TCF20: variants seen among roughly 807,000 people sequenced by gnomAD.
The protein encoded by TCF20 is transcription factor 20.
In TCF20, 3 loss-of-function variants were observed where a neutral mutation model predicts 148.6. The observed-to-expected ratio is 0.02, with a 90% CI of 0.01 to 0.05. The LOEUF (loss-of-function observed/expected upper bound fraction) is 0.05, where lower values mean the gene tolerates loss of function less well. Ranked by LOEUF, TCF20 falls within the 10% of genes least tolerant of loss-of-function variation. The pLI is 1.00. For missense variants in TCF20, 2,350 were observed against 2,429.3 expected (o/e 0.97, Z 0.69); for synonymous variants, 1,049 against 909.5 (o/e 1.15, Z -2.76).
chr22:42,287,237 A>G (rs1430599291), upstream of TCF20, among the ~76,000 whole-genome samples: 1 of 152,338 alleles, frequency 6.6e-6, no homozygotes, highest in Non-Finnish European at 1.5e-5. Context: ...TAGAGGGCTC[A>G]GGGAGCACCA....
At chr22:42,186,093 C>CA (rs1937033069) in intron 2 of TCF20, among the ~76,000 whole-genome samples, 1 of 152,234 alleles carries the variant, frequency 6.6e-6, no homozygotes, top group African/African-American at 2.4e-5. Context: ...ATTATGATGT[C>CA]AGTATGAAAC....
intron 2 of TCF20, among the ~76,000 whole-genome samples, chr22:42,185,574 G>A (rs377429962): frequency 1.1e-3 from 163 of 152,172 alleles, no homozygotes; most frequent in African/African-American, 3.2e-3. Context: ...GATGGAAGCC[G>A]CTGTCCTCCC....
At chr22:42,318,858 TG>T (rs1271545901) in intron 1 of TCF20, among the ~76,000 whole-genome samples, 1 of 152,228 alleles carries the variant, frequency 6.6e-6, no homozygotes, top group Non-Finnish European at 1.5e-5. Flanking sequence ...CCTGGGTGTG[TG>T]GGGTGCTCCT....
chr22:42,211,031 G>C lies in TCF20; in HGVS notation c.4275C>G (p.His1425Gln). 1.2e-6 allele frequency: 2 copies of C among 1,614,078 alleles called. No homozygotes were observed. The highest frequency in any genetic ancestry group is 1.7e-6 in the Non-Finnish European group (2 of 1,180,020). ...DLVSPANQEL[H>Q]VEKPLPRSSE... is the part of the protein sequence containing the mutation. ...AAGACCTTGGAAGAGGTTTCTCTAC[G>C]TGCAACTCCTGGTTTGCTGGACTGA... Residue 1425 changes from histidine (H) to glutamine (Q), a missense_variant, in exon 2 of 6, where the codon CAC (histidine) becomes CAG (glutamine). Coordinates refer to ENST00000677622, the MANE Select transcript of TCF20 (RefSeq NM_001378418.1).
intron 2 of TCF20, among the ~76,000 whole-genome samples, chr22:42,188,974 T>C (rs749910176): frequency 6.6e-6 from 1 of 152,130 alleles, no homozygotes; most frequent in Non-Finnish European, 1.5e-5. Flanking sequence ...GGAGTGTAGC[T>C]TGACCTGAGT....
intron 3 of TCF20, among the ~76,000 whole-genome samples, chr22:42,174,852 G>C (rs151249795): frequency 4.6e-5 from 7 of 151,992 alleles, no homozygotes; most frequent in Non-Finnish European, 1.0e-4. Flanking sequence ...CGGCTAACAC[G>C]GTGAAACCCC....
rs1378154410 is a variant in TCF20, at chr22:42,292,769, C to CT, written c.-37+50709_-37+50710insA. 6.6e-6 allele frequency among the ~76,000 whole-genome samples: 1 copy of CT among 151,916 alleles called. No individual in the cohort carries two copies. The highest frequency in any genetic ancestry group is 1.5e-5 in the Non-Finnish European group (1 of 67,970). On this transcript the variant is annotated intron_variant, in intron 1 of 1. Coordinates refer to the TCF20 transcript ENST00000515426. The surrounding 1 kb of genome is among the most constrained non-coding windows in gnomAD (Gnocchi z 4.9). Reference sequence around the variant, plus strand: ...CTCAGGCCTCTCTGCTCCCAGCCAGCCCCTCTGCGCCTCCAGGGCCGGCCG... The same window carrying CT: ...CTCAGGCCTCTCTGCTCCCAGCCAGCTCCCTCTGCGCCTCCAGGGCCGGCCG...
chr22:42,323,942 TG>T (rs1455575318), intron 1 of TCF20, among the ~76,000 whole-genome samples: 10 of 112,358 alleles, frequency 8.9e-5, no homozygotes, highest in Non-Finnish European at 1.2e-4. Flanking sequence ...GTGGTGGTGG[TG>T]ATGGAGGTTA....
chr22:42,198,045 T>C (rs976129908), intron 2 of TCF20, among the ~76,000 whole-genome samples: 10 of 152,144 alleles, frequency 6.6e-5, no homozygotes, highest in African/African-American at 2.4e-4. Flanking sequence ...AATCGAAAAA[T>C]AAAAATGCTT....
intron 2 of TCF20, among the ~76,000 whole-genome samples, chr22:42,190,652 T>C (rs747116267): frequency 6.6e-5 from 10 of 152,220 alleles, no homozygotes; most frequent in Non-Finnish European, 1.3e-4. Flanking sequence ...CAATCTACTA[T>C]TGCTACTAAA....
At chr22:42,305,915 G>A (rs1374557982) in intron 1 of TCF20, among the ~76,000 whole-genome samples, 8 of 152,190 alleles carry the variant, frequency 5.3e-5, no homozygotes, top group African/African-American at 1.9e-4. Context: ...AGCCGTGGAG[G>A]GCAGGGGTGC....
At chr22:42,267,650 G>A (rs763945853) in intron 1 of TCF20, among the ~76,000 whole-genome samples, 2 of 152,066 alleles carry the variant, frequency 1.3e-5, no homozygotes, top group South Asian at 2.1e-4. Flanking sequence ...ACAGTGGGCC[G>A]AGATAGTGCC....
upstream of TCF20, among the ~76,000 whole-genome samples, chr22:42,270,744 C>CGGCGGG (rs1446666418): frequency 2.3e-5 from 3 of 128,188 alleles, no homozygotes; most frequent in Non-Finnish European, 5.1e-5. Context: ...GCGGGGCGCG[C>CGGCGGG]GGCGGGGGCG....
chr22:42,338,777 T>C lies in TCF20; in HGVS notation c.-37+4702A>G, dbSNP rs1928112657. ...TGACTTTCAAAGGGCAATCTTAATA[T>C]ATCAAAGTCCAGATGACAGTTTATT... is the stretch of plus-strand genomic sequence containing the variant. On this transcript the variant is annotated intron_variant, in intron 1 of 1. Coordinates refer to the TCF20 transcript ENST00000515426. The surrounding 1 kb of genome is among the most constrained non-coding windows in gnomAD (Gnocchi z 4.0). 6.6e-6 allele frequency among the ~76,000 whole-genome samples: 1 copy of C among 152,202 alleles called. No homozygotes were observed. Among genetic ancestry groups the C allele is most frequent in the African/African-American group, 2.4e-5 (1 of 41,448 alleles).
intron 1 of TCF20, among the ~76,000 whole-genome samples, chr22:42,337,280 T>C (rs571623519): frequency 6.6e-6 from 1 of 151,944 alleles, no homozygotes; most frequent in South Asian, 2.1e-4. Context: ...CCCTGGCACC[T>C]CCTCTGACCT....
At chr22:42,236,183 C>CAAACAA (rs902982703) in intron 1 of TCF20, among the ~76,000 whole-genome samples, 1 of 151,662 alleles carries the variant, frequency 6.6e-6, no homozygotes. Context: ...TTCAAAAAAA[C>CAAACAA]AAACAAAAAC....
chr22:42,197,378 A>G (rs1937647411), intron 2 of TCF20, among the ~76,000 whole-genome samples: 1 of 147,314 alleles, frequency 6.8e-6, no homozygotes, highest in Non-Finnish European at 1.5e-5. Flanking sequence ...GCTGGAGGGC[A>G]GTGGCGCGAT....
chr22:42,335,901 G>A (rs545266764), intron 1 of TCF20, among the ~76,000 whole-genome samples: 2 of 152,124 alleles, frequency 1.3e-5, no homozygotes, highest in African/African-American at 2.4e-5. Context: ...CTTTACCCCC[G>A]AGGCCACCTG....
chr22:42,270,659 G>A (rs1221314106), upstream of TCF20, among the ~76,000 whole-genome samples: 1 of 142,844 alleles, frequency 7.0e-6, no homozygotes, highest in Non-Finnish European at 1.5e-5. Flanking sequence ...ATAACAGAGC[G>A]TCAGGTGACG....
Sources: gnomAD v4.1 joint callset for allele counts (sites outside exome capture counted in the v4.1 genomes callset) on GRCh38, gnomAD v4.1.1 for gene constraint, Gnocchi (gnomAD v3.1) non-coding constraint, MANE v1.5 for transcripts, NCBI Gene and HGNC (gene_info 2026-07-23, HGNC 2026-07-21) for gene names.